PTPRD: variants seen among roughly 807,000 people sequenced by gnomAD.
The protein encoded by PTPRD is receptor-type tyrosine-protein phosphatase delta.
A neutral mutation model predicts 214.5 loss-of-function variants in PTPRD; 34 were observed. That is an observed-to-expected ratio of 0.16 (90% CI 0.12 to 0.21). The LOEUF (loss-of-function observed/expected upper bound fraction) is 0.21, where lower values mean the gene tolerates loss of function less well. Among genes scored for constraint, PTPRD ranks in the 10% least tolerant of loss-of-function variants. PTPRD has a pLI of 1.00. For missense variants in PTPRD, 2,545 were observed against 2,398.7 expected (o/e 1.06, Z -1.27); for synonymous variants, 1,128 against 845.7 (o/e 1.33, Z -5.79).
chr9:9,428,512 A>T (rs1315613637), intron 8 of PTPRD, among the ~76,000 whole-genome samples: 1 of 152,202 alleles, frequency 6.6e-6, no homozygotes, highest in Non-Finnish European at 1.5e-5. Flanking sequence ...AAAGTTAAGA[A>T]GGATATCCAG....
chr9:9,603,137 A>G (rs1170880162), intron 7 of PTPRD, among the ~76,000 whole-genome samples: 1 of 152,178 alleles, frequency 6.6e-6, no homozygotes, highest in Non-Finnish European at 1.5e-5. Flanking sequence ...TGGGCAATGC[A>G]TAAGTGAGAT....
chr9:9,152,774 T>C (rs902139856), intron 10 of PTPRD, among the ~76,000 whole-genome samples: 4 of 152,214 alleles, frequency 2.6e-5, no homozygotes, highest in African/African-American at 9.6e-5. Context: ...TGACCTCATC[T>C]TTTCTGGCTG....
intron 7 of PTPRD, among the ~76,000 whole-genome samples, chr9:9,694,541 C>T (rs758450745): frequency 2.0e-5 from 3 of 151,956 alleles, no homozygotes; most frequent in Non-Finnish European, 4.4e-5. Context: ...TTGTCAAAGG[C>T]TCTACCCTTC....
At chr9:9,828,206 C>T (rs1204591891) in intron 5 of PTPRD, among the ~76,000 whole-genome samples, 3 of 151,906 alleles carry the variant, frequency 2.0e-5, no homozygotes, top group Non-Finnish European at 4.4e-5. Context: ...CATACACACG[C>T]ATGTTTATTG....
rs563277322 is a variant in PTPRD at position 8,324,284 on chromosome 9, T to C, written c.5535-4318A>G. Among the ~76,000 whole-genome samples the C allele has an allele frequency of 2.6e-5, 4 of 152,250 alleles. No individual in the cohort carries two copies. The South Asian group carries it at 8.3e-4, about 32-fold the overall frequency. On this transcript the variant is annotated intron_variant, in intron 44 of 45. Coordinates refer to ENST00000381196, the MANE Select transcript of PTPRD (RefSeq NM_002839.4). The stretch of plus-strand genomic sequence containing the variant: ...CCCCCTGGCAGGCCCTGGTGTGTGA[T>C]GTTCGCTTCCCTGCGTCCACGTGTT...
intron 8 of PTPRD, among the ~76,000 whole-genome samples, chr9:9,542,474 A>C (rs78634800): frequency 0.22 from 33,058 of 151,632 alleles, 3,998 homozygotes; most frequent in Non-Finnish European, 0.26. Flanking sequence ...TTTCATCAAA[A>C]TTAACAATGC....
intron 2 of PTPRD, among the ~76,000 whole-genome samples, chr9:10,495,803 A>G (rs1282752662): frequency 6.6e-6 from 1 of 151,804 alleles, no homozygotes; most frequent in African/African-American, 2.4e-5. Context: ...TTTAAATGTA[A>G]AAAATTATTA....
intron 7 of PTPRD, among the ~76,000 whole-genome samples, chr9:9,612,387 G>C (rs994142835): frequency 2.6e-5 from 4 of 152,146 alleles, no homozygotes; most frequent in African/African-American, 9.7e-5. Context: ...TTCAAATTCA[G>C]AATCATGTAA....
intron 14 of PTPRD, among the ~76,000 whole-genome samples, chr9:8,581,963 GAGCTAT>G: frequency 8.3e-6 from 1 of 121,058 alleles, no homozygotes; most frequent in East Asian, 2.6e-4. Flanking sequence ...AAGGAGGACA[GAGCTAT>G]AGATAATTTA....
In PTPRD at chr9:10,505,401, C is replaced by A. The variant is rs984463610; in HGVS notation, c.-600+106997G>T. Among the ~76,000 whole-genome samples, 4 of 152,186 alleles carry A rather than the reference C, an allele frequency of 2.6e-5. No individual in the cohort carries two copies. The South Asian group carries it at 6.2e-4, about 24-fold the overall frequency. On this transcript the variant is annotated intron_variant, in intron 2 of 45. Coordinates refer to ENST00000381196, the MANE Select transcript of PTPRD (RefSeq NM_002839.4). ...AACAAGGGTTCCTGTTTGAGCTCCA[C>A]TGATCCTTTAAGAATGCTGACTGCC...
chr9:8,906,475 CAA>C (rs1005306896), intron 11 of PTPRD, among the ~76,000 whole-genome samples: 2 of 152,126 alleles, frequency 1.3e-5, no homozygotes, highest in Admixed American at 6.5e-5. Flanking sequence ...TTATCTACCT[CAA>C]GAGGTGATCA....
intron 2 of PTPRD, among the ~76,000 whole-genome samples, chr9:10,394,221 T>C (rs1194985165): frequency 6.9e-6 from 1 of 145,768 alleles, no homozygotes; most frequent in Admixed American, 6.9e-5. Context: ...AATATATATT[T>C]CTATTTCTAT....
At chr9:10,117,751 T>A (rs866716066) in intron 3 of PTPRD, among the ~76,000 whole-genome samples, 70 of 151,940 alleles carry the variant, frequency 4.6e-4, no homozygotes, top group African/African-American at 1.5e-3. Context: ...ATTGGACATG[T>A]TTTTTGGTGA....
rs141169829 is a variant in PTPRD, at chr9:9,072,817, C to T, written c.-142-54082G>A. On this transcript the variant is annotated intron_variant, in intron 10 of 45. Transcript: ENST00000381196. ...AATGTTACATGGAGTCACATTTTGC[C>T]TTGTGTATATTCCTTTTTGTCCATA... 4.8e-3 allele frequency among the ~76,000 whole-genome samples: 732 copies of T among 152,212 alleles called. 11 individuals are homozygous for T. Among genetic ancestry groups the T allele is most frequent in the African/African-American group, 0.017 (696 of 41,548 alleles).
rs115809058 is a variant in PTPRD at position 10,578,326 on chromosome 9, C to T, written c.-600+34072G>A. On this transcript the variant is annotated intron_variant, in intron 2 of 45. Coordinates refer to ENST00000381196, the MANE Select transcript of PTPRD (RefSeq NM_002839.4). ...GAAGATATTGTAATATGTATGTTTC[C>T]TATATATACAGAACCAGTAAAATTC... is the stretch of plus-strand genomic sequence containing the variant. Among the ~76,000 whole-genome samples the T allele has an allele frequency of 1.2e-3, 186 of 152,048 alleles. 2 individuals carry two copies. Among genetic ancestry groups the T allele is most frequent in the African/African-American group, 4.4e-3 (183 of 41,472 alleles).
chr9:9,612,654 T>A (rs971413666), intron 7 of PTPRD, among the ~76,000 whole-genome samples: 1 of 152,024 alleles, frequency 6.6e-6, no homozygotes, highest in Non-Finnish European at 1.5e-5. Context: ...ATAGTAATTA[T>A]TGTAATTTTT....
At chr9:9,809,469 A>G (rs955779511) in intron 5 of PTPRD, among the ~76,000 whole-genome samples, 3 of 151,822 alleles carry the variant, frequency 2.0e-5, no homozygotes, top group Non-Finnish European at 4.4e-5. Flanking sequence ...GGGTTTCACC[A>G]TTCACAGGAT....
chr9:9,049,832 A>G (rs912212566), intron 10 of PTPRD, among the ~76,000 whole-genome samples: 19 of 152,232 alleles, frequency 1.2e-4, no homozygotes, highest in African/African-American at 3.9e-4. Flanking sequence ...GTTAGAAATC[A>G]TGACTACCAA....
chr9:8,587,815 A>C (rs1197419772), intron 14 of PTPRD, among the ~76,000 whole-genome samples: 1 of 152,244 alleles, frequency 6.6e-6, no homozygotes, highest in Non-Finnish European at 1.5e-5. Flanking sequence ...AAAGATCCAT[A>C]AATATAAATC....
Sources: allele counts gnomAD v4.1 joint callset (sites outside exome capture counted in the v4.1 genomes callset), GRCh38; gene constraint gnomAD v4.1.1; transcripts MANE v1.5; gene names NCBI Gene and HGNC (gene_info 2026-07-23, HGNC 2026-07-21).